The following ZC3H3 variants were observed in gnomAD, a reference collection of about 807,000 sequenced individuals.
ZC3H3 encodes zinc finger CCCH-type containing 3.
Under a neutral mutation model 77.3 loss-of-function variants are expected in ZC3H3, and 36 were observed. That is an observed-to-expected ratio of 0.47 (90% CI 0.36 to 0.61). The LOEUF (loss-of-function observed/expected upper bound fraction) is 0.61. Ranked by LOEUF, ZC3H3 falls within the 20% of genes least tolerant of loss-of-function variation. ZC3H3 has a pLI of 0.00. For synonymous variants in ZC3H3, 626 were observed against 555.2 expected, an observed-to-expected ratio of 1.13 and a Z score of -1.79; for missense variants, 1,331 against 1,312.2, an observed-to-expected ratio of 1.01 and a Z score of -0.22.
At chr8:143,441,400 A>T (rs1819738756) in intron 9 of ZC3H3, among the ~76,000 whole-genome samples, 1 of 152,104 alleles carries the variant, frequency 6.6e-6, no homozygotes, top group African/African-American at 2.4e-5. Flanking sequence ...GGACTCCCAG[A>T]GCCTGCAGCC....
intron 3 of ZC3H3, among the ~76,000 whole-genome samples, chr8:143,519,884 G>A (rs756175431): frequency 3.3e-5 from 5 of 152,162 alleles, no homozygotes; most frequent in Admixed American, 6.5e-5. Context: ...GGGAAGCCAC[G>A]GCCCAGCACC....
intron 9 of ZC3H3, among the ~76,000 whole-genome samples, chr8:143,465,333 T>TCCA (rs57009107): frequency 0.47 from 70,787 of 151,542 alleles, 17,248 homozygotes; most frequent in African/African-American, 0.61. Context: ...TGGCCCCACA[T>TCCA]CCTGCAGCCC....
chr8:143,464,534 G>A (rs374416863), intron 9 of ZC3H3, among the ~76,000 whole-genome samples: 4 of 152,204 alleles, frequency 2.6e-5, no homozygotes, highest in South Asian at 2.1e-4. Context: ...ACCACAGAAC[G>A]CTGTGCACAG....
chr8:143,439,359 T>C (rs1278268860), intron 11 of ZC3H3, among the ~76,000 whole-genome samples: 1 of 152,112 alleles, frequency 6.6e-6, no homozygotes, highest in African/African-American at 2.4e-5. Flanking sequence ...CCGTGAAATA[T>C]GACAATAAAA....
At chr8:143,447,012 C>T (rs534507408) in intron 9 of ZC3H3, among the ~76,000 whole-genome samples, 2 of 152,384 alleles carry the variant, frequency 1.3e-5, no homozygotes, top group South Asian at 4.1e-4. Context: ...CCGGCCTGTG[C>T]TTGCGGAGCT....
At chr8:143,534,977 T>C (rs1822746714) in intron 3 of ZC3H3, among the ~76,000 whole-genome samples, 1 of 151,624 alleles carries the variant, frequency 6.6e-6, no homozygotes, top group Non-Finnish European at 1.5e-5. Flanking sequence ...CACACGGCTC[T>C]TGGGTCTGCC....
chr8:143,516,967 C>T (rs926605030), intron 3 of ZC3H3, among the ~76,000 whole-genome samples: 2 of 152,214 alleles, frequency 1.3e-5, no homozygotes, highest in Non-Finnish European at 2.9e-5. Flanking sequence ...CCCTGTCCCC[C>T]CCGTGTGGGA....
intron 4 of ZC3H3, among the ~76,000 whole-genome samples, chr8:143,505,930 G>C (rs1348967758): frequency 6.6e-6 from 1 of 152,230 alleles, no homozygotes; most frequent in Non-Finnish European, 1.5e-5. Flanking sequence ...GCCGCTCCCT[G>C]CAGGGCAGCT....
rs148273781 is a variant in ZC3H3, at chr8:143,536,309, C to T, written c.1509G>A (p.Thr503=). The T allele has an allele frequency of 4.3e-6, 7 of 1,611,946 alleles. No homozygotes were observed. In the African/African-American group the frequency reaches 5.3e-5, roughly 12 times the overall value. ...TPNKGLVQVT[T]HRLCRLPPSR... ...TCGGTGGCAGGCGACATAGTCGGTG[C>T]GTGGTGACCTGTACCAGGCCCTTGT... The change falls in exon 3 of 12, where the codon ACG becomes ACA. Residue 503 remains threonine, a synonymous_variant. Coordinates refer to ENST00000262577, the MANE Select transcript of ZC3H3 (RefSeq NM_015117.3).
chr8:143,439,365 T>C (rs1053542950), intron 11 of ZC3H3, among the ~76,000 whole-genome samples: 6 of 152,082 alleles, frequency 3.9e-5, no homozygotes, highest in Admixed American at 3.9e-4. Context: ...AATATGACAA[T>C]AAAATGATAG....
chr8:143,503,642 CA>C, intron 4 of ZC3H3, among the ~76,000 whole-genome samples: 1 of 67,964 alleles, frequency 1.5e-5, no homozygotes, highest in African/African-American at 5.3e-5. Flanking sequence ...CTCCAGCACC[CA>C]ACTGTCTCCA....
At chr8:143,447,667 C>A (rs1819893253) in intron 9 of ZC3H3, among the ~76,000 whole-genome samples, 4 of 152,194 alleles carry the variant, frequency 2.6e-5, no homozygotes, top group African/African-American at 9.7e-5. Context: ...TCTGGGGAGG[C>A]CTCAGGAAGC....
intron 4 of ZC3H3, among the ~76,000 whole-genome samples, chr8:143,505,623 C>T (rs1454582970): frequency 6.6e-6 from 1 of 152,226 alleles, no homozygotes; most frequent in Non-Finnish European, 1.5e-5. Context: ...TCCCAGACGC[C>T]TGGCAAGGAG....
intron 4 of ZC3H3, among the ~76,000 whole-genome samples, chr8:143,481,536 A>G (rs551189208): frequency 6.6e-6 from 1 of 152,340 alleles, no homozygotes; most frequent in African/African-American, 2.4e-5. Context: ...CAGACCCGCC[A>G]GGGGCTCCAC....
At chr8:143,529,802 C>A (rs1822543873) in intron 3 of ZC3H3, among the ~76,000 whole-genome samples, 1 of 152,162 alleles carries the variant, frequency 6.6e-6, no homozygotes, top group African/African-American at 2.4e-5. Flanking sequence ...GGCTGAGGGC[C>A]AACAGCTCAC....
intron 9 of ZC3H3, among the ~76,000 whole-genome samples, chr8:143,461,486 C>T (rs1273924317): frequency 6.6e-6 from 1 of 152,142 alleles, no homozygotes; most frequent in Admixed American, 6.5e-5. Context: ...GACCCTATGG[C>T]CCTGCAATTC....
chr8:143,480,079 G>C (rs1018630706), intron 4 of ZC3H3, among the ~76,000 whole-genome samples: 3 of 152,216 alleles, frequency 2.0e-5, no homozygotes, highest in Non-Finnish European at 4.4e-5. Flanking sequence ...AGCCTCGCTA[G>C]GCACAGGTAG....
At chr8:143,512,764 G>A (rs1461929717) in intron 3 of ZC3H3, among the ~76,000 whole-genome samples, 1 of 152,258 alleles carries the variant, frequency 6.6e-6, no homozygotes, top group African/African-American at 2.4e-5. Context: ...CAGCCCCACA[G>A]CCGCAAGAGG....
At position 143,460,454 on chromosome 8, in the gene ZC3H3, C is replaced by A. The variant is rs981286621; in HGVS notation, c.2307+5263G>T. Among the ~76,000 whole-genome samples the A allele has an allele frequency of 2.0e-5, 3 of 152,064 alleles. No homozygotes were observed. The highest frequency in any genetic ancestry group is 2.9e-5 in the Non-Finnish European group (2 of 68,012). ...GGGTGTGGAGAAACGGGAACCCGTG[C>A]GCCGTTGCTGGGAACGTAAAGTGGT... On this transcript the variant is annotated intron_variant, in intron 9 of 11. Transcript: ENST00000262577. This position sits in a 1 kb window ranked among gnomAD's most constrained non-coding sequence, Gnocchi z 4.0.
Sources: gnomAD v4.1 joint callset for allele counts (sites outside exome capture counted in the v4.1 genomes callset) on GRCh38, gnomAD v4.1.1 for gene constraint, Gnocchi (gnomAD v3.1) non-coding constraint, MANE v1.5 for transcripts, NCBI Gene and HGNC (gene_info 2026-07-23, HGNC 2026-07-21) for gene names.